The following SLC25A37 variants were observed in gnomAD, a reference collection of about 807,000 sequenced individuals.
SLC25A37 encodes solute carrier family 25 member 37.
Under a neutral mutation model 31.0 loss-of-function variants are expected in SLC25A37, and 17 were observed. That is an observed-to-expected ratio of 0.55 (90% CI 0.38 to 0.82). The LOEUF is 0.82. SLC25A37 is among the 40% of genes least tolerant of loss of function. The probability of loss-of-function intolerance (pLI) is 0.00; values close to 1 mark genes in which losing one functional copy is unlikely to be tolerated. For missense variants in SLC25A37, 404 were observed against 465.8 expected (o/e 0.87, Z 1.22); for synonymous variants, 222 against 193.0 (o/e 1.15, Z -1.24).
At chr8:23,547,840 G>GTT in intron 1 of SLC25A37, among the ~76,000 whole-genome samples, 1 of 152,194 alleles carries the variant, frequency 6.6e-6, no homozygotes, top group Admixed American at 6.5e-5. Context: ...ATGCTGAACG[G>GTT]CCACAGCCCC....
In SLC25A37 at chr8:23,566,213, G is replaced by A; in HGVS notation, c.316G>A (p.Gly106Ser). Residue 106 changes from glycine to serine, a missense_variant, in exon 2 of 4, where the codon GGC becomes AGC. Gly to Ser is a moderately conservative substitution (Grantham distance 56). Around this residue, in one of 3 missense-constraint regions of SLC25A37, gnomAD observed 154 missense variants for 153.6 expected, o/e 1.00. Transcript: ENST00000519973. ...RTEGFWRPLR[G>S]VNVMIMGAGP... is the part of the protein sequence containing the mutation. ...CGAAGGCTTCTGGAGGCCCTTGCGA[G>A]GCGTCAACGTCATGATCATGGGTGC... 1.2e-6 allele frequency: 2 copies of A among 1,603,488 alleles called. No homozygotes were observed. Among genetic ancestry groups the A allele is most frequent in the Non-Finnish European group, 1.7e-6 (2 of 1,176,440 alleles).
intron 1 of SLC25A37, among the ~76,000 whole-genome samples, chr8:23,536,958 G>T (rs549110631): frequency 6.6e-6 from 1 of 152,304 alleles, no homozygotes; most frequent in African/African-American, 2.4e-5. Flanking sequence ...TACCTTGAGA[G>T]GCCGAGGTGG....
chr8:23,529,367 G>T lies in SLC25A37; in HGVS notation c.210+155G>T, dbSNP rs1321037990. On this transcript the variant is annotated intron_variant, in intron 1 of 3. Coordinates refer to ENST00000519973, the MANE Select transcript of SLC25A37 (RefSeq NM_016612.4). This position sits in a 1 kb window ranked among gnomAD's most constrained non-coding sequence, Gnocchi z 4.1. ...GGGGTCGCCCCAGGAGCAGCTGCGC[G>T]CAGCCTGGGCGCCGCGCCTTCCGCC... 6.6e-6 allele frequency among the ~76,000 whole-genome samples: 1 copy of T among 151,578 alleles called. No individual in the cohort carries two copies. The highest frequency in any genetic ancestry group is 2.0e-4 in the East Asian group (1 of 5,092).
At chr8:23,568,172 GT>G in intron 2 of SLC25A37, 149 bp from the exon 3 acceptor site, 1 of 792,900 alleles carries the variant, frequency 1.3e-6, no homozygotes. Context: ...TCACTTCAGG[GT>G]TTTAAGAGTC....
At chr8:23,570,867 A>G (rs1341901620) in intron 3 of SLC25A37, among the ~76,000 whole-genome samples, 4 of 152,150 alleles carry the variant, frequency 2.6e-5, no homozygotes, top group Non-Finnish European at 5.9e-5. Flanking sequence ...TAGAATTACC[A>G]TTAGAGGCAC....
chr8:23,529,291 G>T lies in SLC25A37; in HGVS notation c.210+79G>T, dbSNP rs1017228801. The T allele has an allele frequency of 3.6e-6, 5 of 1,405,666 alleles. No individual in the cohort carries two copies. In the African/African-American group the frequency reaches 7.4e-5, roughly 21 times the overall value. The allele number at this position is 1,405,666 out of a possible 1,614,324, so 87.1% of individuals were successfully genotyped here. A position where few individuals can be genotyped will look rare whatever the true frequency, so the allele number is the denominator to read the frequency against. On this transcript the variant is annotated intron_variant, in intron 1 of 3. Transcript: ENST00000519973. This position sits in a 1 kb window ranked among gnomAD's most constrained non-coding sequence, Gnocchi z 4.1. ...CGCATTTGCATCCCGCGCGCCGGCAGCCTCGGGGCAGCGTCCCGAAACCGA... is the reference window on the plus strand; with the variant it reads ...CGCATTTGCATCCCGCGCGCCGGCATCCTCGGGGCAGCGTCCCGAAACCGA...
intron 1 of SLC25A37, among the ~76,000 whole-genome samples, chr8:23,564,140 G>A (rs1406503655): frequency 1.3e-5 from 2 of 151,968 alleles, no homozygotes; most frequent in Admixed American, 1.3e-4. Flanking sequence ...TATTGTTATT[G>A]TTTTTGCGTC....
intron 1 of SLC25A37, among the ~76,000 whole-genome samples, chr8:23,546,514 TATATATATATATA>T (rs1802044828): frequency 2.9e-5 from 2 of 69,862 alleles, no homozygotes; most frequent in African/African-American, 9.2e-5. Context: ...TATATATAGG[TATATATATATATA>T]GGTGTATATA....
intron 1 of SLC25A37, among the ~76,000 whole-genome samples, chr8:23,563,847 G>A (rs1164600105): frequency 6.6e-6 from 1 of 152,180 alleles, no homozygotes; most frequent in African/African-American, 2.4e-5. Flanking sequence ...TGGGCGTGGT[G>A]GAGGGCGCCT....
intron 1 of SLC25A37, among the ~76,000 whole-genome samples, chr8:23,555,536 C>G (rs1345515011): frequency 2.0e-5 from 3 of 152,124 alleles, no homozygotes; most frequent in African/African-American, 7.2e-5. Context: ...TATTTTCTAC[C>G]AAATGTGCAA....
rs142398864 is a variant in SLC25A37 at position 23,547,776 on chromosome 8, C to G, written c.211-18332C>G. On this transcript the variant is annotated intron_variant, in intron 1 of 3. Coordinates refer to ENST00000519973, the MANE Select transcript of SLC25A37 (RefSeq NM_016612.4). The stretch of plus-strand genomic sequence containing the variant: ...GATAGTTTATTTAACATACTTGTAA[C>G]TTCCAACGACAACACTTCAAGACTG... 7.2e-5 allele frequency among the ~76,000 whole-genome samples: 11 copies of G among 152,320 alleles called. No homozygotes were observed. In the East Asian group the frequency reaches 2.1e-3, roughly 29 times the overall value.
intron 1 of SLC25A37, among the ~76,000 whole-genome samples, chr8:23,545,204 T>C (rs958339012): frequency 1.3e-5 from 2 of 152,244 alleles, no homozygotes; most frequent in African/African-American, 4.8e-5. Flanking sequence ...AGGTCAGAGA[T>C]GGACCTGGGA....
At chr8:23,557,120 G>A (rs972425724) in intron 1 of SLC25A37, among the ~76,000 whole-genome samples, 1 of 152,130 alleles carries the variant, frequency 6.6e-6, no homozygotes, top group African/African-American at 2.4e-5. Context: ...CAAAGTGCTG[G>A]GATTACAGGT....
chr8:23,536,584 G>A (rs2117387222), intron 1 of SLC25A37, among the ~76,000 whole-genome samples: 1 of 152,236 alleles, frequency 6.6e-6, no homozygotes, highest in East Asian at 1.9e-4. Flanking sequence ...GGGACCTGAT[G>A]GCTCCCAGAT....
intron 1 of SLC25A37, among the ~76,000 whole-genome samples, chr8:23,551,056 C>T (rs537350711): frequency 9.2e-5 from 14 of 152,328 alleles, no homozygotes; most frequent in Admixed American, 4.6e-4. Flanking sequence ...TGTCGGGAAT[C>T]TTGGCCCTCA....
In SLC25A37 at chr8:23,535,907, C is replaced by T. The variant is rs539194876; in HGVS notation, c.210+6695C>T. ...TGATTCAATTACCTCCCACTGGGTC[C>T]CTCCCATAACACGTGGGAATTATGG... On this transcript the variant is annotated intron_variant, in intron 1 of 3. Transcript: ENST00000519973. 6.2e-4 allele frequency among the ~76,000 whole-genome samples: 94 copies of T among 152,234 alleles called. No homozygotes were observed. The South Asian group carries it at 0.019, about 31-fold the overall frequency.
At chr8:23,548,477 CTT>C (rs143771739) in intron 1 of SLC25A37, among the ~76,000 whole-genome samples, 35 of 115,924 alleles carry the variant, frequency 3.0e-4, no homozygotes, top group Admixed American at 5.2e-4. Flanking sequence ...CACGTCCGGG[CTT>C]TTTTTTTTTT....
intron 1 of SLC25A37, among the ~76,000 whole-genome samples, chr8:23,555,849 G>C (rs1197210914): frequency 2.0e-5 from 3 of 152,238 alleles, no homozygotes; most frequent in Non-Finnish European, 4.4e-5. Context: ...CCAACATCAG[G>C]GTGACCTGAA....
At chr8:23,570,579 G>T (rs1261941351) in intron 3 of SLC25A37, among the ~76,000 whole-genome samples, 1 of 152,184 alleles carries the variant, frequency 6.6e-6, no homozygotes, top group African/African-American at 2.4e-5. Flanking sequence ...GTGTAACCAA[G>T]CAAGGGTTTT....
Sources: gnomAD v4.1 joint callset for allele counts (sites outside exome capture counted in the v4.1 genomes callset) on GRCh38, gnomAD v4.1.1 for gene constraint, gnomAD v4.1.1 regional missense constraint, Gnocchi (gnomAD v3.1) non-coding constraint, MANE v1.5 for transcripts, NCBI Gene and HGNC (gene_info 2026-07-23, HGNC 2026-07-21) for gene names.